USP30: variants seen among roughly 807,000 people sequenced by gnomAD.
USP30 encodes ubiquitin specific peptidase 30.
Under a neutral mutation model 68.2 loss-of-function variants are expected in USP30, and 41 were observed. The observed-to-expected ratio is 0.60, with a 90% CI of 0.47 to 0.78. USP30 has a LOEUF of 0.78. Among genes scored for constraint, USP30 ranks in the 30% least tolerant of loss-of-function variants. The pLI is 0.00. For missense variants in USP30, 522 were observed against 649.4 expected (o/e 0.80, Z 2.13); for synonymous variants, 229 against 253.7 (o/e 0.90, Z 0.93).
chr12:109,079,157 T>G (rs2041704188), intron 7 of USP30, among the ~76,000 whole-genome samples: 1 of 151,998 alleles, frequency 6.6e-6, no homozygotes, highest in South Asian at 2.1e-4. Context: ...GCTGTTATTT[T>G]TTCAACAAAG....
At chr12:109,047,520 T>G (rs2040616071) in intron 3 of USP30, 1 of 152,230 alleles carries the variant, frequency 6.6e-6, no homozygotes, top group South Asian at 2.1e-4. Context: ...TTTCTGTGTT[T>G]ATTCTTTCTA....
At position 109,072,345 on chromosome 12, in the gene USP30, C is replaced by T. The variant is rs751375519; in HGVS notation, c.620C>T (p.Thr207Ile). 2 of 1,612,808 alleles carry T rather than the reference C, an allele frequency of 1.2e-6. No individual in the cohort carries two copies. The highest frequency in any genetic ancestry group is 1.3e-5 in the African/African-American group (1 of 74,738). The change falls in exon 6 of 13, where the codon ACA (threonine) becomes ATA (isoleucine). Residue 207 changes from threonine (T) to isoleucine (I), a missense_variant. Coordinates refer to ENST00000257548, the MANE Select transcript of USP30 (RefSeq NM_032663.5). Reference sequence around the variant, plus strand: ...ACTCCCAAACAAATTACCTGCCGCACAAGAGGTAGCTGTTTTCCATTGAAA... The same window carrying T: ...ACTCCCAAACAAATTACCTGCCGCATAAGAGGTAGCTGTTTTCCATTGAAA... ...EITPKQITCR[T>I]RGSPHPTSNH... is the part of the protein sequence containing the mutation.
At chr12:109,084,896 G>C (rs769088061) in intron 11 of USP30, 57 bp from the exon 12 acceptor site, 1 of 1,480,554 alleles carries the variant, frequency 6.8e-7, no homozygotes, top group Non-Finnish European at 9.0e-7. Context: ...TCAAAACCAG[G>C]TTTTGTTTAC....
intron 3 of USP30, among the ~76,000 whole-genome samples, chr12:109,062,316 C>T (rs1426029094): frequency 6.7e-6 from 1 of 149,068 alleles, no homozygotes; most frequent in African/African-American, 2.5e-5. Flanking sequence ...ACATGTAGCT[C>T]TACCTCCTTC....
intron 4 of USP30, 84 bp downstream of exon 4, chr12:109,067,711 C>A (rs1268087106): frequency 8.5e-7 from 1 of 1,182,566 alleles, no homozygotes. Context: ...TGCCTGGCCC[C>A]AGTGTACATT....
At chr12:109,044,192 G>A (rs2040584325) in intron 3 of USP30, among the ~76,000 whole-genome samples, 1 of 152,232 alleles carries the variant, frequency 6.6e-6, no homozygotes, top group Non-Finnish European at 1.5e-5. Flanking sequence ...ATGTAGAATA[G>A]TGGTTGCTAG....
chr12:109,037,565 G>T (rs2040530844), intron 3 of USP30, among the ~76,000 whole-genome samples: 1 of 151,984 alleles, frequency 6.6e-6, no homozygotes, highest in Non-Finnish European at 1.5e-5. Flanking sequence ...TCCCTCCTCA[G>T]GGCTTGTTTT....
chr12:109,040,460 C>G (rs909932660), intron 3 of USP30, among the ~76,000 whole-genome samples: 3 of 152,176 alleles, frequency 2.0e-5, no homozygotes, highest in African/African-American at 7.2e-5. Context: ...AAATTACCCC[C>G]AAAACTTAGC....
At chr12:109,056,919 G>T (rs1293591077) in intron 2 of USP30, 128 bp downstream of exon 2, 5 of 557,852 alleles carry the variant, frequency 9.0e-6, no homozygotes, top group African/African-American at 3.9e-5. Flanking sequence ...AGGATTTCAG[G>T]TTTTCAAACA....
chr12:109,024,553 C>T (rs937820851), intron 1 of USP30, among the ~76,000 whole-genome samples: 12 of 150,550 alleles, frequency 8.0e-5, no homozygotes, highest in Admixed American at 4.6e-4. Flanking sequence ...CCACCGTGCC[C>T]GGCCACAATG....
intron 3 of USP30, among the ~76,000 whole-genome samples, chr12:109,066,518 T>C (rs2041256636): frequency 6.6e-6 from 1 of 152,074 alleles, no homozygotes; most frequent in Non-Finnish European, 1.5e-5. Flanking sequence ...CCCCCATCTC[T>C]ACTAAAAATA....
At chr12:109,081,474 C>A in intron 8 of USP30, 81 bp downstream of exon 8, 1 of 1,421,904 alleles carries the variant, frequency 7.0e-7, no homozygotes. Flanking sequence ...TTTTATGTGG[C>A]TCAGGCACTA....
intron 3 of USP30, among the ~76,000 whole-genome samples, chr12:109,041,521 C>T (rs1486246891): frequency 6.6e-6 from 1 of 151,842 alleles, no homozygotes; most frequent in Non-Finnish European, 1.5e-5. Flanking sequence ...TGTTGTCCCA[C>T]CTATTCCAGA....
intron 3 of USP30, among the ~76,000 whole-genome samples, chr12:109,043,013 A>G (rs1160045000): frequency 6.6e-6 from 1 of 152,228 alleles, no homozygotes; most frequent in Non-Finnish European, 1.5e-5. Context: ...CAATAGCACC[A>G]AAAAGAATGA....
At chr12:109,081,768 GT>G (rs2041810601) in intron 8 of USP30, 164 bp from the exon 9 acceptor site, 5 of 690,384 alleles carry the variant, frequency 7.2e-6, no homozygotes, top group Middle Eastern at 2.5e-4. Flanking sequence ...GCAGTCTAGG[GT>G]GCTTTGAGCC....
At chr12:109,024,414 T>A (rs957741599) in intron 1 of USP30, among the ~76,000 whole-genome samples, 9 of 150,368 alleles carry the variant, frequency 6.0e-5, no homozygotes, top group African/African-American at 2.0e-4. Context: ...TGCGCCACCA[T>A]GCCAGGCTAA....
chr12:109,066,663 C>T (rs951336447), intron 3 of USP30, among the ~76,000 whole-genome samples: 3 of 152,080 alleles, frequency 2.0e-5, no homozygotes, highest in Admixed American at 1.3e-4. Flanking sequence ...CCACCCTGGG[C>T]GACAGAGCAC....
intron 3 of USP30, among the ~76,000 whole-genome samples, chr12:109,031,225 T>G (rs887143692): frequency 1.3e-5 from 2 of 152,234 alleles, no homozygotes; most frequent in African/African-American, 4.8e-5. Context: ...GCATATTACA[T>G]AAAACAACAA....
intron 3 of USP30, among the ~76,000 whole-genome samples, chr12:109,029,089 C>G (rs1056305609): frequency 7.2e-5 from 11 of 152,192 alleles, no homozygotes; most frequent in African/African-American, 2.7e-4. Context: ...TTCCTACCTT[C>G]TAAGAGAAGC....
Sources: gnomAD v4.1 joint callset for allele counts (sites outside exome capture counted in the v4.1 genomes callset) on GRCh38, gnomAD v4.1.1 for gene constraint, MANE v1.5 for transcripts, NCBI Gene and HGNC (gene_info 2026-07-23, HGNC 2026-07-21) for gene names.